The following STIL variants were observed in gnomAD, a reference collection of about 807,000 sequenced individuals.
The protein encoded by STIL is STIL centriolar assembly protein, also known as SCL-interrupting locus protein.
Under a neutral mutation model 110.1 loss-of-function variants are expected in STIL, and 55 were observed. The observed-to-expected ratio is 0.50, with a 90% CI of 0.40 to 0.63. The LOEUF is 0.63. Ranked by LOEUF, STIL falls within the 20% of genes least tolerant of loss-of-function variation. The pLI, the probability that STIL is intolerant of heterozygous loss-of-function variation, is 0.00. For synonymous variants in STIL, 481 were observed against 530.0 expected (o/e 0.91, Z 1.27); for missense variants, 1,358 against 1,530.0 (o/e 0.89, Z 1.87).
chr1:47,260,550 GA>G lies in STIL; in HGVS notation c.2830-12del. On this transcript the variant is annotated splice_polypyrimidine_tract_variant and intron_variant, in intron 15 of 16. Coordinates refer to ENST00000371877, the MANE Select transcript of STIL (RefSeq NM_001048166.1). ...GTGGTTTACTTGACCCTGACAAAAA[GA>G]AAAAAAATTTTTTTGAAAAATCACT... The G allele has an allele frequency of 6.2e-7, 1 of 1,613,726 alleles. No individual in the cohort carries two copies. The highest frequency in any genetic ancestry group is 8.5e-7 in the Non-Finnish European group (1 of 1,179,848).
chr1:47,283,436 T>G (rs1032413378), intron 10 of STIL: 5 of 152,176 alleles, frequency 3.3e-5, no homozygotes, highest in African/African-American at 9.7e-5. Flanking sequence ...CAAGGCAGCT[T>G]GAGATACATA....
chr1:47,281,360 G>A, intron 11 of STIL, 151 bp from the exon 12 acceptor site: 6 of 875,246 alleles, frequency 6.9e-6, no homozygotes, highest in Non-Finnish European at 1.0e-5. Flanking sequence ...TTTTTTCTGG[G>A]CATGTTTTAT....
intron 3 of STIL, among the ~76,000 whole-genome samples, chr1:47,302,762 C>T (rs909668676): frequency 6.6e-6 from 1 of 152,092 alleles, no homozygotes; most frequent in Non-Finnish European, 1.5e-5. Flanking sequence ...GTAACAAATC[C>T]TATATATACT....
intron 6 of STIL, among the ~76,000 whole-genome samples, chr1:47,297,764 A>G (rs1645684394): frequency 1.3e-5 from 2 of 152,060 alleles, no homozygotes; most frequent in South Asian, 4.1e-4. Flanking sequence ...GGCAAATGTC[A>G]CCAATTTAAT....
chr1:47,295,971 C>T, intron 6 of STIL, 123 bp from the exon 7 acceptor site: 3 of 718,110 alleles, frequency 4.2e-6, no homozygotes, highest in East Asian at 2.7e-5. Context: ...TTGTCTTGCA[C>T]ACACAAAAGA....
chr1:47,303,980 T>C (rs1162872963), intron 3 of STIL, among the ~76,000 whole-genome samples: 1 of 152,146 alleles, frequency 6.6e-6, no homozygotes, highest in Non-Finnish European at 1.5e-5. Flanking sequence ...ACTGTGACAA[T>C]TGCTTTACAG....
chr1:47,252,817 ACACACACG>A (rs923603843), intron 16 of STIL, among the ~76,000 whole-genome samples: 3 of 148,786 alleles, frequency 2.0e-5, no homozygotes, highest in East Asian at 3.9e-4. Flanking sequence ...ACACACACAC[ACACACACG>A]AATACTTTTT....
chr1:47,251,802 A>G lies in STIL; in HGVS notation c.3201T>C (p.Ala1067=). Residue 1067 remains alanine, a synonymous_variant, in exon 17 of 17, where the codon GCT becomes GCC. Coordinates refer to ENST00000371877, the MANE Select transcript of STIL (RefSeq NM_001048166.1). ...TTTCATTTAAATATTTCAGAGCTAT[A>G]GCATTTGCCTCCATGCTCAAATCCA... is the stretch of plus-strand genomic sequence containing the variant. ...NGVDLSMEAN[A]IALKYLNENQ... The G allele has an allele frequency of 1.2e-6, 2 of 1,611,376 alleles. No individual in the cohort carries two copies. Among genetic ancestry groups the G allele is most frequent in the Non-Finnish European group, 8.5e-7 (1 of 1,178,442 alleles).
chr1:47,281,325 A>G (rs1210109054), intron 11 of STIL, 116 bp from the exon 12 acceptor site: 6 of 1,088,304 alleles, frequency 5.5e-6, no homozygotes, highest in Non-Finnish European at 7.7e-6. Context: ...ACAAGTGTTC[A>G]TTCTTTATTT....
At chr1:47,254,829 C>T (rs545106703) in intron 16 of STIL, among the ~76,000 whole-genome samples, 9 of 152,108 alleles carry the variant, frequency 5.9e-5, no homozygotes, top group Non-Finnish European at 1.3e-4. Flanking sequence ...GACACCATGC[C>T]CAGCCTCTTA....
upstream of STIL, among the ~76,000 whole-genome samples, chr1:47,314,716 T>C (rs1646236231): frequency 6.9e-6 from 1 of 145,788 alleles, no homozygotes; most frequent in African/African-American, 2.6e-5. Context: ...AAGCCATCTG[T>C]TTTAGTGACA....
intron 15 of STIL, among the ~76,000 whole-genome samples, chr1:47,261,244 C>T (rs977469043): frequency 6.6e-6 from 1 of 150,890 alleles, no homozygotes; most frequent in African/African-American, 2.4e-5. Flanking sequence ...AAAAATTAGC[C>T]GGGTGTGGTG....
At chr1:47,267,164 T>C (rs2148815287) in intron 14 of STIL, among the ~76,000 whole-genome samples, 1 of 152,278 alleles carries the variant, frequency 6.6e-6, no homozygotes, top group Non-Finnish European at 1.5e-5. Context: ...CCTTTACCAC[T>C]CTACTTAATA....
In STIL at chr1:47,274,337, CT is replaced by C. The variant is rs547052740; in HGVS notation, c.2218-2097del. Reference sequence around the variant, plus strand: ...ATATTCTTTCTTTCTCAGAACTTTTCTTTTTTTTCTTTGAGACAGAGCCTCG... The same window carrying C: ...ATATTCTTTCTTTCTCAGAACTTTTCTTTTTTTCTTTGAGACAGAGCCTCG... On this transcript the variant is annotated intron_variant, in intron 12 of 16. Transcript: ENST00000371877. Among the ~76,000 whole-genome samples, 849 of 150,476 alleles carry C rather than the reference CT, an allele frequency of 5.6e-3. 7 individuals are homozygous for C. The highest frequency in any genetic ancestry group is 0.019 in the African/African-American group (793 of 40,918).
At position 47,251,333 on chromosome 1, in the gene STIL, T is replaced by A; in HGVS notation, c.3670A>T (p.Lys1224Ter). Residue 1224 changes from lysine to a stop codon, truncating the protein, a stop_gained, in exon 17 of 17, where the codon AAA (lysine) becomes TAA (stop). Transcript: ENST00000371877. LOFTEE classifies it high-confidence loss of function. ...CGAAGGTTCACTGCAGGACTTGGTT[T>A]AAGGTTCTTTACTAAGAAAGCTGGC... ...EKPAFLVKNL[K>*]PSPAVNLRTG... 6.2e-7 allele frequency: 1 copy of A among 1,614,250 alleles called. No individual in the cohort carries two copies. The highest frequency in any genetic ancestry group is 8.5e-7 in the Non-Finnish European group (1 of 1,180,040).
chr1:47,291,425 T>C (rs1169572810), intron 8 of STIL, among the ~76,000 whole-genome samples: 4 of 151,726 alleles, frequency 2.6e-5, no homozygotes, highest in Admixed American at 6.6e-5. Flanking sequence ...AATAAATAAA[T>C]AAATAAACGG....
At chr1:47,282,557 C>T (rs1185119093) in intron 10 of STIL, 98 bp from the exon 11 acceptor site, 13 of 725,332 alleles carry the variant, frequency 1.8e-5, no homozygotes, top group Non-Finnish European at 2.7e-5. Context: ...TGCAGTAGTA[C>T]TCAGATCATT....
chr1:47,266,273 A>G (rs1038412087), intron 14 of STIL, among the ~76,000 whole-genome samples: 1 of 152,350 alleles, frequency 6.6e-6, no homozygotes, highest in East Asian at 1.9e-4. Flanking sequence ...TATTGTAATC[A>G]CAATGATTTA....
chr1:47,278,367 C>T (rs967045961), intron 12 of STIL, among the ~76,000 whole-genome samples: 2 of 151,576 alleles, frequency 1.3e-5, no homozygotes, highest in African/African-American at 2.4e-5. Context: ...AATTTAAGTT[C>T]ATATATATAT....
Sources: allele counts gnomAD v4.1 joint callset (sites outside exome capture counted in the v4.1 genomes callset), GRCh38; gene constraint gnomAD v4.1.1; transcripts MANE v1.5; gene names NCBI Gene and HGNC (gene_info 2026-07-23, HGNC 2026-07-21).